Variants in SEMA4D observed in about 807,000 individuals in gnomAD.
SEMA4D encodes semaphorin 4D.
In SEMA4D, 22 loss-of-function variants were observed where a neutral mutation model predicts 74.8. The observed-to-expected ratio is 0.29, with a 90% CI of 0.21 to 0.42. The LOEUF (loss-of-function observed/expected upper bound fraction) is 0.42. Ranked by LOEUF, SEMA4D falls within the 10% of genes least tolerant of loss-of-function variation. The pLI is 1.00. For missense variants in SEMA4D, 937 were observed against 1,118.4 expected (o/e 0.84, Z 2.31); for synonymous variants, 445 against 463.7 (o/e 0.96, Z 0.52).
At chr9:89,428,271 C>T (rs925474542) in intron 2 of SEMA4D, among the ~76,000 whole-genome samples, 2 of 152,142 alleles carry the variant, frequency 1.3e-5, no homozygotes, top group African/African-American at 4.8e-5. Flanking sequence ...CGGCCCCCGC[C>T]ATGGCCCATG....
At chr9:89,375,230 A>C (rs780711958), downstream of SEMA4D, among the ~76,000 whole-genome samples, 1 of 152,120 alleles carries the variant, frequency 6.6e-6, no homozygotes, top group Non-Finnish European at 1.5e-5. Context: ...GCGACAGGAC[A>C]CAGTCTCCAT....
intron 2 of SEMA4D, among the ~76,000 whole-genome samples, chr9:89,448,915 C>T (rs937613269): frequency 1.3e-5 from 2 of 152,140 alleles, no homozygotes; most frequent in Non-Finnish European, 2.9e-5. Flanking sequence ...GAAAGGGTTA[C>T]GTGGGGACCC....
chr9:89,454,072 T>C (rs933988290), intron 2 of SEMA4D, among the ~76,000 whole-genome samples: 13 of 152,164 alleles, frequency 8.5e-5, no homozygotes, highest in Non-Finnish European at 1.5e-4. Flanking sequence ...TTAGCCAGGA[T>C]GGTCTCGATA....
chr9:89,367,235 CG>C (rs1223547802), intron 16 of SEMA4D: 1 of 152,494 alleles, frequency 6.6e-6, no homozygotes, highest in Non-Finnish European at 1.5e-5. Flanking sequence ...GCACCCTCAG[CG>C]GGACAGGGCA....
intron 1 of SEMA4D, among the ~76,000 whole-genome samples, chr9:89,476,942 A>C (rs10908928): frequency 1.6e-4 from 25 of 152,008 alleles, no homozygotes; most frequent in African/African-American, 6.0e-4. Flanking sequence ...GAGAGCCGAC[A>C]TATCTGACCC....
At chr9:89,457,832 G>A (rs1254123703) in intron 1 of SEMA4D, among the ~76,000 whole-genome samples, 1 of 151,900 alleles carries the variant, frequency 6.6e-6, no homozygotes, top group East Asian at 1.9e-4. Flanking sequence ...AGGAGATCGA[G>A]ACCATCCTAG....
chr9:89,452,989 A>C (rs1480928166), intron 2 of SEMA4D, among the ~76,000 whole-genome samples: 1 of 152,168 alleles, frequency 6.6e-6, no homozygotes, highest in East Asian at 1.9e-4. Context: ...AGGACCTGGG[A>C]CACCCTCCTG....
intron 2 of SEMA4D, among the ~76,000 whole-genome samples, chr9:89,432,725 T>C (rs1488159245): frequency 6.6e-6 from 1 of 151,790 alleles, no homozygotes; most frequent in Non-Finnish European, 1.5e-5. Flanking sequence ...CAAACAAAAA[T>C]GGAATACAAG....
At chr9:89,396,215 C>T (rs971724414) in intron 6 of SEMA4D, among the ~76,000 whole-genome samples, 31 of 152,106 alleles carry the variant, frequency 2.0e-4, no homozygotes, top group Admixed American at 6.5e-5. Context: ...ACACCACAGC[C>T]GACCAGAAGG....
chr9:89,404,892 T>C (rs112222817), intron 3 of SEMA4D, among the ~76,000 whole-genome samples: 3,280 of 23,876 alleles, frequency 0.14, no homozygotes, highest in Admixed American at 0.17. Flanking sequence ...CCATCCCCAG[T>C]CACCCGCCTC....
At chr9:89,376,560 C>T (rs866524590), downstream of SEMA4D, 10 of 374,482 alleles carry the variant, frequency 2.7e-5, no homozygotes, top group East Asian at 3.5e-4. Context: ...GGCTGTGACA[C>T]AGCCTGCAGC....
In SEMA4D at chr9:89,388,615, G is replaced by A. The variant is rs774590179; in HGVS notation, c.1107+21C>T. ...GGGCCTTGAAGGGAAAGCACGGCCCGCCCCCAGTGCCCCAGCTCACCGCTC... is the reference window on the plus strand; with the variant it reads ...GGGCCTTGAAGGGAAAGCACGGCCCACCCCCAGTGCCCCAGCTCACCGCTC... On this transcript the variant is annotated intron_variant, in intron 11 of 15. Transcript: ENST00000422704. 2.5e-5 allele frequency: 40 copies of A among 1,584,562 alleles called. 1 individual carries two copies. The South Asian group carries it at 3.5e-4, about 14-fold the overall frequency.
intron 1 of SEMA4D, among the ~76,000 whole-genome samples, chr9:89,457,864 T>A (rs1856314283): frequency 6.7e-6 from 1 of 150,374 alleles, no homozygotes; most frequent in Non-Finnish European, 1.5e-5. Flanking sequence ...AAACCCCATC[T>A]CTACTAAAAA....
intron 2 of SEMA4D, among the ~76,000 whole-genome samples, chr9:89,424,276 T>C (rs180892536): frequency 6.6e-6 from 1 of 152,168 alleles, no homozygotes; most frequent in Non-Finnish European, 1.5e-5. Flanking sequence ...AAAATGGCAC[T>C]ATCCCCACAA....
At chr9:89,371,290 C>T (rs1265893864) in intron 16 of SEMA4D, among the ~76,000 whole-genome samples, 7 of 59,072 alleles carry the variant, frequency 1.2e-4, no homozygotes, top group East Asian at 5.8e-4. Flanking sequence ...TGGTGTGTGA[C>T]GGTGTGTGTG....
At chr9:89,379,661 A>G (rs201189875) in intron 15 of SEMA4D, 32 bp from the exon 16 acceptor site, 4 of 1,572,452 alleles carry the variant, frequency 2.5e-6, no homozygotes, top group Non-Finnish European at 3.5e-6. Flanking sequence ...GCACAGCGTC[A>G]ACAATCCCCA....
chr9:89,461,853 C>T (rs1235160300), intron 1 of SEMA4D, among the ~76,000 whole-genome samples: 1 of 151,914 alleles, frequency 6.6e-6, no homozygotes, highest in Admixed American at 6.6e-5. Context: ...CAGGCGTGCG[C>T]CACTACGCCC....
At chr9:89,387,661 G>T in intron 11 of SEMA4D, 53 bp from the exon 12 acceptor site, 4 of 1,549,934 alleles carry the variant, frequency 2.6e-6, no homozygotes, top group Non-Finnish European at 3.6e-6. Flanking sequence ...CCACGCAACG[G>T]GTGCTTCCAC....
chr9:89,388,449 A>G (rs1166814245), intron 11 of SEMA4D, among the ~76,000 whole-genome samples, 187 bp downstream of exon 11: 1 of 152,234 alleles, frequency 6.6e-6, no homozygotes, highest in Non-Finnish European at 1.5e-5. Flanking sequence ...TAGTGTAGCA[A>G]TGGCTGTTAC....
Sources: allele counts gnomAD v4.1 joint callset (sites outside exome capture counted in the v4.1 genomes callset), GRCh38; gene constraint gnomAD v4.1.1; transcripts MANE v1.5; gene names NCBI Gene and HGNC (gene_info 2026-07-23, HGNC 2026-07-21).